Variants in TAFA1 observed in about 807,000 individuals in gnomAD.
TAFA1 encodes the protein chemokine-like protein TAFA-1.
Under a neutral mutation model 18.5 loss-of-function variants are expected in TAFA1, and 4 were observed. That is an observed-to-expected ratio of 0.22 (90% CI 0.11 to 0.49). The LOEUF (loss-of-function observed/expected upper bound fraction) is 0.49, where lower values mean the gene tolerates loss of function less well. TAFA1 is among the 20% of genes least tolerant of loss of function. TAFA1 has a pLI of 0.98. For missense variants in TAFA1, 147 were observed against 169.0 expected (o/e 0.87, Z 0.72); for synonymous variants, 56 against 55.2 (o/e 1.01, Z -0.06).
intron 3 of TAFA1, among the ~76,000 whole-genome samples, chr3:68,531,747 G>A (rs763796556): frequency 6.6e-6 from 1 of 152,052 alleles, no homozygotes; most frequent in Non-Finnish European, 1.5e-5. Context: ...CGCTGGTTGT[G>A]ACCAATTATT....
intron 3 of TAFA1, among the ~76,000 whole-genome samples, chr3:68,422,995 G>T (rs1406565184): frequency 2.0e-5 from 3 of 151,450 alleles, no homozygotes; most frequent in Non-Finnish European, 4.4e-5. Context: ...ATAAACAAGA[G>T]GTTGATGACT....
chr3:68,544,163 C>T (rs13059899), intron 4 of TAFA1, among the ~76,000 whole-genome samples: 7,131 of 152,062 alleles, frequency 0.047, 428 homozygotes, highest in East Asian at 0.24. Context: ...GCAGGAGGCT[C>T]TTTCCAGGAT....
chr3:68,070,775 A>C (rs954881083), intron 2 of TAFA1, among the ~76,000 whole-genome samples: 1 of 152,204 alleles, frequency 6.6e-6, no homozygotes, highest in Non-Finnish European at 1.5e-5. Context: ...TCAAGTTCAA[A>C]GTTCCACAAA....
intron 2 of TAFA1, among the ~76,000 whole-genome samples, chr3:68,330,148 G>T (rs1004627942): frequency 6.6e-6 from 1 of 152,134 alleles, no homozygotes; most frequent in African/African-American, 2.4e-5. Context: ...CATGTATCAT[G>T]GGCAAATGGT....
intron 2 of TAFA1, among the ~76,000 whole-genome samples, chr3:68,073,842 T>C (rs546110037): frequency 2.0e-5 from 3 of 152,236 alleles, no homozygotes; most frequent in African/African-American, 7.2e-5. Flanking sequence ...CTTAGAGCAG[T>C]GGTCTCCAAC....
At chr3:68,261,025 A>T (rs1036899989) in intron 2 of TAFA1, among the ~76,000 whole-genome samples, 26 of 152,152 alleles carry the variant, frequency 1.7e-4, no homozygotes, top group Non-Finnish European at 3.2e-4. Context: ...TACTCATCTG[A>T]CAAAGGGCTA....
chr3:68,415,062 C>T (rs2070783494), intron 2 of TAFA1, among the ~76,000 whole-genome samples: 1 of 152,134 alleles, frequency 6.6e-6, no homozygotes, highest in African/African-American at 2.4e-5. Context: ...AGCCCTATTC[C>T]ATTAACTTGA....
chr3:68,356,938 C>A (rs2106785818), intron 2 of TAFA1, among the ~76,000 whole-genome samples: 1 of 151,974 alleles, frequency 6.6e-6, no homozygotes, highest in Admixed American at 6.6e-5. Context: ...TATCTGGACC[C>A]AAGTCTCTCT....
chr3:68,372,059 C>T (rs1029131080), intron 2 of TAFA1, among the ~76,000 whole-genome samples: 2 of 152,296 alleles, frequency 1.3e-5, no homozygotes, highest in African/African-American at 4.8e-5. Flanking sequence ...TTGAGATCTG[C>T]AGTCTAACAC....
intron 3 of TAFA1, among the ~76,000 whole-genome samples, chr3:68,531,556 A>G (rs1322256441): frequency 6.6e-6 from 1 of 152,062 alleles, no homozygotes; most frequent in African/African-American, 2.4e-5. Flanking sequence ...GCTCATGCTC[A>G]TTTGAGGCAT....
rs530196311 is a variant in TAFA1, at chr3:68,079,980, T to C, written c.118+73236T>C. Among the ~76,000 whole-genome samples, 416 of 152,076 alleles carry C rather than the reference T, an allele frequency of 2.7e-3. 3 individuals are homozygous for C. The highest frequency in any genetic ancestry group is 9.6e-3 in the African/African-American group (399 of 41,472). Reference sequence around the variant, plus strand: ...TTTGTAGGTCACTCAGGACTTGCTTTATGAATCTTGGTGCTCCTGTATTGG... The same window carrying C: ...TTTGTAGGTCACTCAGGACTTGCTTCATGAATCTTGGTGCTCCTGTATTGG... On this transcript the variant is annotated intron_variant, in intron 2 of 4. Coordinates refer to ENST00000478136, the MANE Select transcript of TAFA1 (RefSeq NM_213609.4).
intron 2 of TAFA1, among the ~76,000 whole-genome samples, chr3:68,287,920 G>GA (rs2068042275): frequency 9.2e-6 from 1 of 108,270 alleles, no homozygotes; most frequent in Non-Finnish European, 2.0e-5. Flanking sequence ...GGGGTGGGGG[G>GA]GCTTTTTGAA....
At chr3:68,128,486 C>A (rs1298447983) in intron 2 of TAFA1, among the ~76,000 whole-genome samples, 1 of 152,136 alleles carries the variant, frequency 6.6e-6, no homozygotes, top group Non-Finnish European at 1.5e-5. Context: ...TTTTAAAGGT[C>A]AAAAACTGAT....
chr3:68,494,822 A>G (rs1043246716), intron 3 of TAFA1, among the ~76,000 whole-genome samples: 2 of 152,208 alleles, frequency 1.3e-5, no homozygotes, highest in Non-Finnish European at 2.9e-5. Context: ...GATTAGATAA[A>G]ACATACAATG....
intron 3 of TAFA1, among the ~76,000 whole-genome samples, chr3:68,450,996 AAC>A (rs1370764446): frequency 6.6e-6 from 1 of 152,200 alleles, no homozygotes; most frequent in Non-Finnish European, 1.5e-5. Flanking sequence ...TTCCTGAAGA[AAC>A]ACAGCAAATA....
chr3:68,461,377 ATATGTATGTATG>A (rs1312626152), intron 3 of TAFA1, among the ~76,000 whole-genome samples: 1 of 142,006 alleles, frequency 7.0e-6, no homozygotes, highest in South Asian at 2.2e-4. Flanking sequence ...ATATATATAT[ATATGTATGTATG>A]TATATATCCA....
intron 2 of TAFA1, among the ~76,000 whole-genome samples, chr3:68,306,461 A>G (rs1347359194): frequency 6.6e-6 from 1 of 152,160 alleles, no homozygotes; most frequent in Non-Finnish European, 1.5e-5. Context: ...TAGTTTTCAC[A>G]TATTCAGAAA....
chr3:68,325,858 A>G (rs1228369755), intron 2 of TAFA1, among the ~76,000 whole-genome samples: 2 of 152,282 alleles, frequency 1.3e-5, no homozygotes, highest in South Asian at 2.1e-4. Flanking sequence ...CTAGGATTTG[A>G]GAGAGGTTAA....
chr3:68,251,494 G>A (rs1345410461), intron 2 of TAFA1, among the ~76,000 whole-genome samples: 1 of 152,160 alleles, frequency 6.6e-6, no homozygotes, highest in African/African-American at 2.4e-5. Flanking sequence ...TATGGATATA[G>A]CAATGAAGAA....
Sources: allele counts gnomAD v4.1 joint callset (sites outside exome capture counted in the v4.1 genomes callset), GRCh38; gene constraint gnomAD v4.1.1; transcripts MANE v1.5; gene names NCBI Gene and HGNC (gene_info 2026-07-23, HGNC 2026-07-21).